Variants in DCC observed in about 807,000 individuals in gnomAD.
The protein encoded by DCC is DCC netrin 1 receptor, also known as netrin receptor DCC.
DCC carries 58 observed loss-of-function variants against 172.5 expected under a neutral mutation model. The ratio of observed to expected loss-of-function variants is 0.34; its 90% confidence interval spans 0.27 to 0.42. DCC has a LOEUF of 0.42. Ranked by LOEUF, DCC falls within the 10% of genes least tolerant of loss-of-function variation. The probability of loss-of-function intolerance (pLI) is 1.00; values close to 1 mark genes in which losing one functional copy is unlikely to be tolerated. For synonymous variants in DCC, 709 were observed against 644.5 expected (o/e 1.10, Z -1.52); for missense variants, 1,740 against 1,791.0 (o/e 0.97, Z 0.51).
At chr18:52,843,843 A>G (rs528722274) in intron 2 of DCC, among the ~76,000 whole-genome samples, 2 of 152,306 alleles carry the variant, frequency 1.3e-5, no homozygotes, top group African/African-American at 2.4e-5. Context: ...TTTGAGGACT[A>G]GCACCAGAAA....
At chr18:52,647,875 A>T (rs1272576435) in intron 1 of DCC, among the ~76,000 whole-genome samples, 1 of 152,182 alleles carries the variant, frequency 6.6e-6, no homozygotes, top group African/African-American at 2.4e-5. Flanking sequence ...GTGCTGGGAA[A>T]AGGGGGAACA....
chr18:52,837,855 ACTC>A (rs771160749), intron 2 of DCC, among the ~76,000 whole-genome samples: 1 of 152,164 alleles, frequency 6.6e-6, no homozygotes, highest in African/African-American at 2.4e-5. Context: ...GATTTAATTG[ACTC>A]ACAGTTCTGC....
chr18:53,258,504 C>T (rs1174027758), intron 12 of DCC, among the ~76,000 whole-genome samples: 1 of 151,988 alleles, frequency 6.6e-6, no homozygotes, highest in African/African-American at 2.4e-5. Context: ...TGTTCAGTTT[C>T]CATGTAGTTG....
intron 1 of DCC, among the ~76,000 whole-genome samples, chr18:52,696,738 A>G (rs534409060): frequency 6.6e-6 from 1 of 152,316 alleles, no homozygotes; most frequent in East Asian, 1.9e-4. Context: ...ATCTTGAAAC[A>G]AAAGTAGTAT....
intron 2 of DCC, among the ~76,000 whole-genome samples, chr18:52,833,845 G>T (rs1409373640): frequency 6.6e-6 from 1 of 152,200 alleles, no homozygotes; most frequent in African/African-American, 2.4e-5. Flanking sequence ...AAATTTTTTT[G>T]TAGAGATAGT....
intron 8 of DCC, among the ~76,000 whole-genome samples, chr18:53,178,403 G>T (rs964227862): frequency 6.6e-6 from 1 of 152,156 alleles, no homozygotes; most frequent in East Asian, 1.9e-4. Context: ...TTCTCTTCAC[G>T]CAGGAAGGAA....
At chr18:52,549,216 T>A (rs570175148) in intron 1 of DCC, among the ~76,000 whole-genome samples, 1 of 152,234 alleles carries the variant, frequency 6.6e-6, no homozygotes, top group South Asian at 2.1e-4. Context: ...CATGCCATGT[T>A]ATACACTGTC....
intron 1 of DCC, among the ~76,000 whole-genome samples, chr18:52,437,859 C>T: frequency 6.6e-6 from 1 of 152,122 alleles, no homozygotes; most frequent in East Asian, 1.9e-4. Flanking sequence ...TTTACAGTGG[C>T]AGTAAATACT....
intron 7 of DCC, among the ~76,000 whole-genome samples, chr18:53,116,177 T>A (rs2043406171): frequency 6.6e-6 from 1 of 151,648 alleles, no homozygotes; most frequent in South Asian, 2.1e-4. Context: ...GAACAAAGAA[T>A]TGGACAAAAC....
intron 6 of DCC, among the ~76,000 whole-genome samples, chr18:53,064,602 C>T (rs2042541408): frequency 6.6e-6 from 1 of 152,176 alleles, no homozygotes; most frequent in Admixed American, 6.6e-5. Flanking sequence ...TGTGTGCATG[C>T]ATGTTGGCCT....
chr18:52,851,759 TTTCCATGCTAGACCTTA>T (rs2038978018), intron 2 of DCC, among the ~76,000 whole-genome samples: 1 of 152,118 alleles, frequency 6.6e-6, no homozygotes, highest in African/African-American at 2.4e-5. Context: ...TTGAGCACCT[TTTCCATGCTAGACCTTA>T]TTCTAGCTGC....
intron 9 of DCC, among the ~76,000 whole-genome samples, chr18:53,186,212 T>C (rs533229181): frequency 5.3e-5 from 8 of 152,320 alleles, no homozygotes; most frequent in African/African-American, 1.7e-4. Context: ...TAACTTCTCA[T>C]AGATAGACAT....
At chr18:53,401,439 GA>G (rs1434302633) in intron 18 of DCC, among the ~76,000 whole-genome samples, 14 of 152,126 alleles carry the variant, frequency 9.2e-5, no homozygotes, top group Admixed American at 9.2e-4. Flanking sequence ...CACGGTGTTG[GA>G]AAGAAAATAG....
intron 15 of DCC, among the ~76,000 whole-genome samples, chr18:53,369,307 G>A (rs934438881): frequency 6.6e-6 from 1 of 151,822 alleles, no homozygotes; most frequent in African/African-American, 2.4e-5. Flanking sequence ...GCTCTAAAAG[G>A]TGTTTTGGTT....
intron 20 of DCC, among the ~76,000 whole-genome samples, chr18:53,413,941 A>T (rs1255802585): frequency 6.6e-6 from 1 of 152,150 alleles, no homozygotes; most frequent in Non-Finnish European, 1.5e-5. Flanking sequence ...CTGTGTTAGG[A>T]TCTCAGTTCA....
At chr18:53,067,458 G>C (rs1179010221) in intron 7 of DCC, among the ~76,000 whole-genome samples, 1 of 152,144 alleles carries the variant, frequency 6.6e-6, no homozygotes, top group African/African-American at 2.4e-5. Context: ...GGGTGTTGAG[G>C]CTGCAGTGAG....
At chr18:52,758,244 G>T (rs1056837299) in intron 2 of DCC, among the ~76,000 whole-genome samples, 9 of 152,052 alleles carry the variant, frequency 5.9e-5, no homozygotes, top group African/African-American at 1.4e-4. Flanking sequence ...CATAAATAAT[G>T]ATCTTTCTAG....
chr18:53,217,276 C>A (rs1374585957), intron 12 of DCC, among the ~76,000 whole-genome samples: 13 of 117,886 alleles, frequency 1.1e-4, no homozygotes, highest in Non-Finnish European at 1.8e-4. Flanking sequence ...CACACACACA[C>A]ACACACACAC....
intron 26 of DCC, among the ~76,000 whole-genome samples, chr18:53,494,024 G>A (rs1038466673): frequency 2.0e-5 from 3 of 152,104 alleles, no homozygotes; most frequent in African/African-American, 7.2e-5. Flanking sequence ...CTGGTATGTT[G>A]TGTCTTTGTT....
Sources: gnomAD v4.1 joint callset for allele counts (sites outside exome capture counted in the v4.1 genomes callset) on GRCh38, gnomAD v4.1.1 for gene constraint, MANE v1.5 for transcripts, NCBI Gene and HGNC (gene_info 2026-07-23, HGNC 2026-07-21) for gene names.